The following COMMD6 variants were observed in gnomAD, a reference collection of about 807,000 sequenced individuals.
The protein encoded by COMMD6 is COMM domain containing 6.
In COMMD6, 11 loss-of-function variants were observed where a neutral mutation model predicts 13.4. The observed-to-expected ratio is 0.82, with a 90% CI of 0.52 to 1.36. COMMD6 has a LOEUF of 1.36. COMMD6 is among the 40% of genes most tolerant of loss of function. The pLI is 0.00. For synonymous variants in COMMD6, 43 were observed against 36.5 expected, an observed-to-expected ratio of 1.18 and a Z score of -0.64; for missense variants, 124 against 102.4, an observed-to-expected ratio of 1.21 and a Z score of -0.91.
At chr13:75,533,948 A>C (rs536813129) in intron 2 of COMMD6, among the ~76,000 whole-genome samples, 1 of 152,192 alleles carries the variant, frequency 6.6e-6, no homozygotes, top group East Asian at 1.9e-4. Flanking sequence ...GTGATGTCCA[A>C]AAACTAAACC....
Position 75,526,579 on chromosome 13 carries a change from G to A in COMMD6, c.*10C>T. 1.3e-6 allele frequency: 2 copies of A among 1,581,436 alleles called. No individual in the cohort carries two copies. Among genetic ancestry groups the A allele is most frequent in the African/African-American group, 2.7e-5 (2 of 74,086 alleles). Reference sequence around the variant, plus strand: ...GAATGATAGCAATTTATCAACCAAAGAATCCGTCTTCACACCGTTTCAATA... The same window carrying A: ...GAATGATAGCAATTTATCAACCAAAAAATCCGTCTTCACACCGTTTCAATA... On this transcript the variant is annotated 3_prime_UTR_variant, in exon 4 of 4. Coordinates refer to ENST00000682242, the MANE Select transcript of COMMD6 (RefSeq NM_203495.4).
At position 75,526,438 on chromosome 13, in the gene COMMD6, CCT is replaced by C. The variant is rs2030258172; in HGVS notation, c.*149_*150del. ...TTGCATTCATCACCACTACCCAGTTCCTGTTTGTCTGATTTTTATTATTTAAA... is the reference window on the plus strand; with the variant it reads ...TTGCATTCATCACCACTACCCAGTTCGTTTGTCTGATTTTTATTATTTAAA... On this transcript the variant is annotated 3_prime_UTR_variant, in exon 4 of 4. Coordinates refer to ENST00000682242, the MANE Select transcript of COMMD6 (RefSeq NM_203495.4). 3 of 601,276 alleles carry C rather than the reference CCT, an allele frequency of 5.0e-6. No homozygotes were observed. In the Admixed American group the frequency reaches 8.8e-5, roughly 18 times the overall value. The allele number at this position is 601,276 out of a possible 1,614,324, so 37.2% of individuals were successfully genotyped here. A position where few individuals can be genotyped will look rare whatever the true frequency, so the allele number is the denominator to read the frequency against.
At chr13:75,545,096 C>A (rs1231630814) in intron 1 of COMMD6, among the ~76,000 whole-genome samples, 1 of 152,072 alleles carries the variant, frequency 6.6e-6, no homozygotes. Context: ...GCCAAAAGGC[C>A]ACGTTTAGGA....
At chr13:75,527,969 A>T in intron 3 of COMMD6, 1 of 1,201,480 alleles carries the variant, frequency 8.3e-7, no homozygotes, top group Non-Finnish European at 1.1e-6. Context: ...TGTTTACTTG[A>T]AATTTGCTAA....
At chr13:75,528,066 G>T (rs1312129876) in intron 3 of COMMD6, among the ~76,000 whole-genome samples, 1 of 146,550 alleles carries the variant, frequency 6.8e-6, no homozygotes, top group Non-Finnish European at 1.5e-5. Context: ...AAAAAAAAAA[G>T]GTAACTGTGT....
At chr13:75,535,822 C>A (rs182767865) in intron 2 of COMMD6, among the ~76,000 whole-genome samples, 1 of 152,010 alleles carries the variant, frequency 6.6e-6, no homozygotes, top group Non-Finnish European at 1.5e-5. Context: ...AAAAGTCTAC[C>A]GCTTTTTGTA....
chr13:75,530,229 C>T lies in COMMD6; in HGVS notation c.92G>A (p.Ser31Asn), dbSNP rs1450154825. The T allele has an allele frequency of 1.2e-6, 2 of 1,613,544 alleles. No individual in the cohort carries two copies. The highest frequency in any genetic ancestry group is 1.7e-5 in the Admixed American group (1 of 59,926). The change falls in exon 3 of 4, where the codon AGC (serine) becomes AAC (asparagine). Residue 31 changes from serine (S) to asparagine (N), a missense_variant. Coordinates refer to ENST00000682242, the MANE Select transcript of COMMD6 (RefSeq NM_203495.4). ...DFQWKLGMAV[S>N]SDTCRSLKYP... is the part of the protein sequence containing the mutation. ...CTTAAGAGATCTGCAAGTGTCTGAG[C>T]TCACAGCCATACCCAGTTTCCACTG...
chr13:75,526,524 T>C lies in COMMD6; in HGVS notation c.*65A>G. 5 of 1,082,940 alleles carry C rather than the reference T, an allele frequency of 4.6e-6. No homozygotes were observed. Among genetic ancestry groups the C allele is most frequent in the Non-Finnish European group, 6.7e-6 (5 of 741,168 alleles). 67.1% of individuals were successfully genotyped at this position (1,082,940 alleles called of 1,614,324 possible). On this transcript the variant is annotated 3_prime_UTR_variant, in exon 4 of 4. Coordinates refer to ENST00000682242, the MANE Select transcript of COMMD6 (RefSeq NM_203495.4). ...ATAAATGTTCCATCCTTATTTAGTT[T>C]TGTTGCCGAAAGTGAAGTCCATGAC...
chr13:75,537,852 G>T (rs776086118), upstream of COMMD6: 246 of 1,541,150 alleles, frequency 1.6e-4, 1 homozygote, highest in Non-Finnish European at 1.7e-5. Flanking sequence ...AACGCCCCCA[G>T]ACCAGCGCTT....
At chr13:75,537,334 CT>C (rs1389586806) in intron 2 of COMMD6, 2 of 1,550,162 alleles carry the variant, frequency 1.3e-6, no homozygotes, top group African/African-American at 1.4e-5. Context: ...GTTTGCGGTG[CT>C]ATCTCTGCAA....
chr13:75,537,422 C>G, intron 2 of COMMD6: 1 of 1,551,212 alleles, frequency 6.4e-7, no homozygotes, highest in Non-Finnish European at 8.7e-7. Flanking sequence ...AATCAAAGCC[C>G]AACAATCCTT....
At chr13:75,547,757 A>T (rs2030928938) in intron 1 of COMMD6, among the ~76,000 whole-genome samples, 1 of 152,252 alleles carries the variant, frequency 6.6e-6, no homozygotes, top group Non-Finnish European at 1.5e-5. Flanking sequence ...ATGGGTCTAA[A>T]GGTCTGGGGT....
At chr13:75,545,523 G>T (rs187899395) in intron 1 of COMMD6, among the ~76,000 whole-genome samples, 1 of 151,062 alleles carries the variant, frequency 6.6e-6, no homozygotes, top group South Asian at 2.1e-4. Flanking sequence ...CTGGAGTGCC[G>T]TGGCGGTGGC....
upstream of COMMD6, among the ~76,000 whole-genome samples, chr13:75,540,339 CACACCCACACA>C (rs2030806099): frequency 3.9e-5 from 4 of 103,664 alleles, no homozygotes; most frequent in African/African-American, 1.2e-4. Context: ...CACACACACA[CACACCCACACA>C]CACACACACA....
At chr13:75,537,887 G>A (rs758622981), upstream of COMMD6, 694 of 1,441,656 alleles carry the variant, frequency 4.8e-4, 1 homozygote, top group Non-Finnish European at 5.8e-4. Flanking sequence ...TGCCCCTAGC[G>A]GCCTGGCGCA....
rs762671004 is a variant in COMMD6, at chr13:75,530,233, C to T, written c.88G>A (p.Val30Met). ...VDFQWKLGMA[V>M]SSDTCRSLKY... ...AGAGATCTGCAAGTGTCTGAGCTCACAGCCATACCCAGTTTCCACTGAAAA... is the reference window on the plus strand; with the variant it reads ...AGAGATCTGCAAGTGTCTGAGCTCATAGCCATACCCAGTTTCCACTGAAAA... The change falls in exon 3 of 4, where the codon GTG (valine) becomes ATG (methionine). Residue 30 changes from valine to methionine, a missense_variant. By Grantham distance (21) the Val-to-Met change is conservative. Coordinates refer to ENST00000682242, the MANE Select transcript of COMMD6 (RefSeq NM_203495.4). The T allele has an allele frequency of 3.7e-6, 6 of 1,612,322 alleles. No individual in the cohort carries two copies. The African/African-American group carries it at 4.0e-5, about 11-fold the overall frequency.
In COMMD6 at chr13:75,528,750, G is replaced by A. The variant is rs560566276; in HGVS notation, c.207+1364C>T. Among the ~76,000 whole-genome samples the A allele has an allele frequency of 8.2e-4, 125 of 151,926 alleles. 1 individual carries two copies. The highest frequency in any genetic ancestry group is 6.0e-3 in the South Asian group (29 of 4,802). ...CCAGCTACTCAGGAAGCTGAGGCAG[G>A]AGCATCGCTTGAACCCAGGAGGCAG... On this transcript the variant is annotated intron_variant, in intron 3 of 3. Transcript: ENST00000682242.
intron 3 of COMMD6, among the ~76,000 whole-genome samples, chr13:75,529,418 G>A (rs2030387039): frequency 6.6e-6 from 1 of 151,216 alleles, no homozygotes; most frequent in Admixed American, 6.6e-5. Context: ...CTACTCGGGA[G>A]GCTGAGGCAG....
In COMMD6 at chr13:75,537,773, A is replaced by C. The variant is rs766092382; in HGVS notation, c.33T>G (p.Ala11=). The C allele has an allele frequency of 1.2e-6, 2 of 1,612,396 alleles. No homozygotes were observed. The highest frequency in any genetic ancestry group is 4.5e-5 in the East Asian group (2 of 44,810). ...CCAGGTTGGAACTCACATCGGACTTAGCATCCAGCGGCGGCTCGCTGGACG... is the reference window on the plus strand; with the variant it reads ...CCAGGTTGGAACTCACATCGGACTTCGCATCCAGCGGCGGCTCGCTGGACG... MEASSEPPLD[A]KSDVTNQLVD... is the part of the protein sequence containing the mutation. Residue 11 remains alanine, a synonymous_variant, in exon 1 of 4, where the codon GCT becomes GCG. Coordinates refer to ENST00000682242, the MANE Select transcript of COMMD6 (RefSeq NM_203495.4).
Sources: allele counts gnomAD v4.1 joint callset (sites outside exome capture counted in the v4.1 genomes callset), GRCh38; gene constraint gnomAD v4.1.1; transcripts MANE v1.5; gene names NCBI Gene and HGNC (gene_info 2026-07-23, HGNC 2026-07-21).